SUMF2: variants seen among roughly 807,000 people sequenced by gnomAD.
The protein encoded by SUMF2 is inactive C-alpha-formylglycine-generating enzyme 2.
Under a neutral mutation model 44.8 loss-of-function variants are expected in SUMF2, and 45 were observed. That is an observed-to-expected ratio of 1.00 (90% CI 0.79 to 1.29). The LOEUF (loss-of-function observed/expected upper bound fraction) is 1.29, where lower values mean the gene tolerates loss of function less well. Among genes scored for constraint, SUMF2 ranks in the 50% most tolerant of loss-of-function variants. SUMF2 has a pLI of 0.00. For missense variants in SUMF2, 418 were observed against 389.9 expected, an observed-to-expected ratio of 1.07 and a Z score of -0.61; for synonymous variants, 148 against 150.4, an observed-to-expected ratio of 0.98 and a Z score of 0.12.
Position 56,073,520 on chromosome 7 carries a change from T to C in SUMF2, c.339+409T>C, listed in dbSNP as rs1003162724. 35 of 286,402 alleles carry C rather than the reference T, an allele frequency of 1.2e-4. No homozygotes were observed. The Admixed American group carries it at 1.4e-3, about 12-fold the overall frequency. 17.7% of individuals were successfully genotyped at this position (286,402 alleles called of 1,614,324 possible). A position where few individuals can be genotyped will look rare whatever the true frequency, so the allele number is the denominator to read the frequency against. On this transcript the variant is annotated intron_variant, in intron 3 of 8. Coordinates refer to ENST00000434526, the MANE Select transcript of SUMF2 (RefSeq NM_015411.4). ...TTAGACAGGCATGGTGGCACGCTCCTGTAATCTGAGCTACTCAGGAGGCTG... is the reference window on the plus strand; with the variant it reads ...TTAGACAGGCATGGTGGCACGCTCCCGTAATCTGAGCTACTCAGGAGGCTG...
rs1367484482 is a variant in SUMF2 at position 56,064,420 on chromosome 7, G to A, written c.67+42G>A. 1.9e-6 allele frequency: 3 copies of A among 1,573,786 alleles called. No individual in the cohort carries two copies. In the South Asian group the frequency reaches 3.5e-5, roughly 18 times the overall value. ...TCCATCCTGGGGGCGCTGGGAAGGG[G>A]ATGGGGCGCTCCGCCCTGACGGGAG... On this transcript the variant is annotated intron_variant, in intron 1 of 8. Transcript: ENST00000434526.
downstream of SUMF2, chr7:56,083,221 C>A: frequency 6.7e-7 from 1 of 1,495,122 alleles, no homozygotes; most frequent in African/African-American, 1.4e-5. Context: ...CTCTATTCTG[C>A]AGATGGTTGA....
chr7:56,081,650 T>C (rs774182485), downstream of SUMF2: 13 of 1,613,622 alleles, frequency 8.1e-6, no homozygotes, highest in South Asian at 9.9e-5. This position sits in a 1 kb window ranked among gnomAD's most constrained non-coding sequence, Gnocchi z 4.6. Context: ...CCCCGGGGGC[T>C]GAAGTGCCGC....
chr7:56,068,811 T>C (rs1368733542), intron 2 of SUMF2, among the ~76,000 whole-genome samples, 173 bp downstream of exon 2: 1 of 151,780 alleles, frequency 6.6e-6, no homozygotes, highest in Non-Finnish European at 1.5e-5. Context: ...CAAGCAATTC[T>C]CCTGCCTTCG....
intron 4 of SUMF2, 127 bp from the exon 5 acceptor site, chr7:56,074,459 C>T: frequency 7.7e-7 from 1 of 1,295,460 alleles, no homozygotes; most frequent in Non-Finnish European, 1.1e-6. Flanking sequence ...ACTGGTCACT[C>T]ACCCGGCTCT....
At chr7:56,070,952 G>A (rs1343082909) in intron 2 of SUMF2, among the ~76,000 whole-genome samples, 1 of 152,178 alleles carries the variant, frequency 6.6e-6, no homozygotes, top group African/African-American at 2.4e-5. Flanking sequence ...TCTGGGAAAG[G>A]CAAAACTATA....
Position 56,074,695 on chromosome 7 carries a change from C to T in SUMF2, c.494C>T (p.Thr165Met), listed in dbSNP as rs144231592. ...GCTTGGCGGGGAAAACGACTGCCCA[C>T]GGAGGAAGAGTGGGAGTTTGCCGCC... ...YCAWRGKRLP[T>M]EEEWEFAARG... The change falls in exon 5 of 9, where the codon ACG (threonine) becomes ATG (methionine). Residue 165 changes from threonine to methionine, a missense_variant. Physicochemically the swap from Thr to Met is moderately conservative, Grantham distance 81. Transcript: ENST00000434526. 2.1e-4 allele frequency: 337 copies of T among 1,613,996 alleles called. 1 individual carries two copies. The highest frequency in any genetic ancestry group is 8.3e-4 in the African/African-American group (62 of 74,900).
chr7:56,068,952 T>G (rs775977989), intron 2 of SUMF2, among the ~76,000 whole-genome samples: 24 of 151,820 alleles, frequency 1.6e-4, no homozygotes, highest in Non-Finnish European at 2.9e-4. Flanking sequence ...ACCTCAACTA[T>G]CTGCCCACCT....
intron 4 of SUMF2, 79 bp downstream of exon 4, chr7:56,074,297 C>A: frequency 7.0e-7 from 1 of 1,418,658 alleles, no homozygotes; most frequent in Non-Finnish European, 9.9e-7. Context: ...CTCTACCCCT[C>A]GTACATCCAG....
the SUMF2 span, chr7:56,087,773 G>A: frequency 1.4e-5 from 22 of 1,610,074 alleles, no homozygotes; most frequent in South Asian, 2.2e-5. Context: ...CACTGCTAAC[G>A]CCCCTGGGAG....
chr7:56,074,281 C>T lies in SUMF2; in HGVS notation c.384+63C>T, dbSNP rs1177558264. ...CTTGACTCTTATTCTCCAGGCCCAG[C>T]CTCCTCTCTACCCCTCGTACATCCA... is the stretch of plus-strand genomic sequence containing the variant. On this transcript the variant is annotated intron_variant, in intron 4 of 8. Transcript: ENST00000434526. 2.0e-6 allele frequency: 3 copies of T among 1,499,722 alleles called. No individual in the cohort carries two copies. In the African/African-American group the frequency reaches 4.1e-5, roughly 21 times the overall value. The allele number at this position is 1,499,722 out of a possible 1,614,324, so 92.9% of individuals were successfully genotyped here. A position where few individuals can be genotyped will look rare whatever the true frequency, so the allele number is the denominator to read the frequency against.
chr7:56,083,764 G>A, downstream of SUMF2: 2 of 1,274,438 alleles, frequency 1.6e-6, no homozygotes, highest in Non-Finnish European at 2.2e-6. Flanking sequence ...GACCACCACT[G>A]CCCTTACCCT....
chr7:56,066,194 A>C (rs1413118437), intron 1 of SUMF2, among the ~76,000 whole-genome samples: 1 of 152,102 alleles, frequency 6.6e-6, no homozygotes, highest in African/African-American at 2.4e-5. Flanking sequence ...CAAAGATAGG[A>C]TCTTGAGGAA....
At chr7:56,084,946 C>T (rs1396613554), downstream of SUMF2, among the ~76,000 whole-genome samples, 2 of 151,976 alleles carry the variant, frequency 1.3e-5, no homozygotes. Flanking sequence ...ACAGAGCAGT[C>T]GAGACAGCTG....
downstream of SUMF2, chr7:56,084,206 C>T (rs1796151521): frequency 2.0e-6 from 3 of 1,534,626 alleles, no homozygotes; most frequent in South Asian, 3.6e-5. Context: ...GCCCAAGCAC[C>T]ATTTCTGTTC....
At chr7:56,079,000 G>C in intron 8 of SUMF2, 1 of 616,924 alleles carries the variant, frequency 1.6e-6, no homozygotes, top group Non-Finnish European at 3.0e-6. Flanking sequence ...AGGCTCTAGC[G>C]ATTCTTCCAC....
chr7:56,084,714 G>C (rs766925152), downstream of SUMF2, among the ~76,000 whole-genome samples: 1 of 152,056 alleles, frequency 6.6e-6, no homozygotes, highest in Non-Finnish European at 1.5e-5. Context: ...GGGAAGAATC[G>C]GCTGTGCAAG....
the SUMF2 span, chr7:56,087,724 ACTC>A: frequency 1.2e-6 from 2 of 1,613,570 alleles, no homozygotes; most frequent in Non-Finnish European, 1.7e-6. Flanking sequence ...TTCACGGCGT[ACTC>A]CTGGCTCGTG....
chr7:56,078,390 T>C lies in SUMF2; in HGVS notation c.703T>C (p.Trp235Arg), dbSNP rs1333982009. ...YGLYDLLGNV[W>R]EWTASPYQAA... ...GCTCTATGACCTCCTGGGGAACGTG[T>C]GGGAGTGGACAGCATCACCGTACCA... is the stretch of plus-strand genomic sequence containing the variant. The change falls in exon 8 of 9, where the codon TGG (tryptophan) becomes CGG (arginine). Residue 235 changes from tryptophan (W) to arginine (R), a missense_variant. Transcript: ENST00000434526. 3.1e-6 allele frequency: 5 copies of C among 1,610,696 alleles called. No homozygotes were observed.
Sources: allele counts gnomAD v4.1 joint callset (sites outside exome capture counted in the v4.1 genomes callset), GRCh38; gene constraint gnomAD v4.1.1; non-coding constraint Gnocchi (gnomAD v3.1); transcripts MANE v1.5; gene names NCBI Gene and HGNC (gene_info 2026-07-23, HGNC 2026-07-21).